The following TMEM263 variants were observed in gnomAD, a reference collection of about 807,000 sequenced individuals.
TMEM263 encodes transmembrane protein 263.
TMEM263 carries 5 observed loss-of-function variants against 8.6 expected under a neutral mutation model. That is an observed-to-expected ratio of 0.58 (90% CI 0.31 to 1.23). TMEM263 has a LOEUF of 1.23. Among genes scored for constraint, TMEM263 ranks in the 50% most tolerant of loss-of-function variants. TMEM263 has a pLI of 0.07. For missense variants in TMEM263, 104 were observed against 138.8 expected, an observed-to-expected ratio of 0.75 and a Z score of 1.26; for synonymous variants, 50 against 47.9, an observed-to-expected ratio of 1.04 and a Z score of -0.18.
chr12:106,956,276 A>T (rs1413766082), intron 1 of TMEM263, among the ~76,000 whole-genome samples: 1 of 151,840 alleles, frequency 6.6e-6, no homozygotes, highest in African/African-American at 2.4e-5. Flanking sequence ...TCCTCCTTAT[A>T]CGTCGCTGAC....
rs761394883 is a variant in TMEM263 at position 106,967,087 on chromosome 12, T to C, written c.-6-24T>C. ...CTCACATGTTGAGGTTAAAATGAAA[T>C]GTGTTTGTATGTTTTTTTTTTAGGA... On this transcript the variant is annotated intron_variant, in intron 2 of 3. Coordinates refer to ENST00000280756, the MANE Select transcript of TMEM263 (RefSeq NM_152261.4). 3 of 1,486,506 alleles carry C rather than the reference T, an allele frequency of 2.0e-6. No homozygotes were observed. In the East Asian group the frequency reaches 6.8e-5, roughly 34 times the overall value. 92.1% of individuals were successfully genotyped at this position (1,486,506 alleles called of 1,614,324 possible). A position where few individuals can be genotyped will look rare whatever the true frequency, so the allele number is the denominator to read the frequency against.
chr12:106,970,994 T>C, intron 3 of TMEM263, 111 bp from the exon 4 acceptor site: 3 of 1,136,742 alleles, frequency 2.6e-6, no homozygotes, highest in Non-Finnish European at 3.8e-6. Context: ...GTTGGCCTTA[T>C]CAAATCAACC....
chr12:106,973,029 G>A lies in TMEM263; in HGVS notation c.*1638G>A, dbSNP rs1201114936. 1 of 151,852 alleles carries A rather than the reference G, an allele frequency of 6.6e-6. No individual in the cohort carries two copies. Among genetic ancestry groups the A allele is most frequent in the Non-Finnish European group, 1.5e-5 (1 of 67,930 alleles). 9.4% of individuals were successfully genotyped at this position (151,852 alleles called of 1,614,324 possible). A position where few individuals can be genotyped will look rare whatever the true frequency, so the allele number is the denominator to read the frequency against. On this transcript the variant is annotated 3_prime_UTR_variant, in exon 4 of 4. Transcript: ENST00000280756. ...TAATGTGGAATCAACAGATGCAGAA[G>A]AATATAACATAACTTTTAAAAGCTT...
chr12:106,968,643 G>C (rs1951876498), intron 3 of TMEM263, among the ~76,000 whole-genome samples: 1 of 152,150 alleles, frequency 6.6e-6, no homozygotes, highest in African/African-American at 2.4e-5. Flanking sequence ...CTAAACAAGA[G>C]GAATCTGCAA....
At chr12:106,965,140 C>G (rs1391043793) in intron 2 of TMEM263, among the ~76,000 whole-genome samples, 1 of 152,204 alleles carries the variant, frequency 6.6e-6, no homozygotes, top group Non-Finnish European at 1.5e-5. Flanking sequence ...CCACACTTTA[C>G]TGGCTGTTCC....
At chr12:106,964,852 C>T (rs1593466750) in intron 2 of TMEM263, among the ~76,000 whole-genome samples, 2 of 152,198 alleles carry the variant, frequency 1.3e-5, no homozygotes, top group East Asian at 3.8e-4. Context: ...TCTGCCTCTA[C>T]CACCCTCATC....
chr12:106,965,600 T>G (rs1181588518), intron 2 of TMEM263, among the ~76,000 whole-genome samples: 3 of 140,396 alleles, frequency 2.1e-5, no homozygotes. Flanking sequence ...AGTGAGACTC[T>G]GTCTCAAAAA....
chr12:106,969,502 T>C (rs1266977432), intron 3 of TMEM263, among the ~76,000 whole-genome samples: 1 of 151,958 alleles, frequency 6.6e-6, no homozygotes, highest in Non-Finnish European at 1.5e-5. Context: ...CGAGGTGGGT[T>C]GATCACGAGG....
chr12:106,967,951 A>G (rs1951867684), intron 3 of TMEM263, among the ~76,000 whole-genome samples: 1 of 152,166 alleles, frequency 6.6e-6, no homozygotes, highest in African/African-American at 2.4e-5. Flanking sequence ...TGTCTTTTTA[A>G]GTCATAATTC....
At chr12:106,969,197 C>T (rs1254411639) in intron 3 of TMEM263, among the ~76,000 whole-genome samples, 1 of 152,098 alleles carries the variant, frequency 6.6e-6, no homozygotes, top group African/African-American at 2.4e-5. Context: ...CATTGGAAAG[C>T]TCAGTTTTCA....
intron 3 of TMEM263, 21 bp from the exon 4 acceptor site, chr12:106,971,084 C>T (rs1486032067): frequency 1.9e-6 from 3 of 1,611,198 alleles, no homozygotes; most frequent in Admixed American, 1.7e-5. Context: ...TTGATTGTCT[C>T]ATGATATTTT....
chr12:106,970,030 T>G (rs1302544083), intron 3 of TMEM263, among the ~76,000 whole-genome samples: 1 of 152,158 alleles, frequency 6.6e-6, no homozygotes, highest in Non-Finnish European at 1.5e-5. Context: ...TAATTTTAAG[T>G]GTTAACCATA....
At chr12:106,963,916 A>C (rs1951810954) in intron 2 of TMEM263, among the ~76,000 whole-genome samples, 1 of 152,210 alleles carries the variant, frequency 6.6e-6, no homozygotes, top group African/African-American at 2.4e-5. Context: ...TTACAGTCAT[A>C]ATCACACCTA....
In TMEM263 at chr12:106,971,666, A is replaced by G. The variant is rs1254533260; in HGVS notation, c.*275A>G. ...ATGGTATGTTTGAATATTTACTATA[A>G]GTCTTTCAGTTTGACTAAAAATGTG... On this transcript the variant is annotated 3_prime_UTR_variant, in exon 4 of 4. Coordinates refer to ENST00000280756, the MANE Select transcript of TMEM263 (RefSeq NM_152261.4). 2.3e-5 allele frequency: 7 copies of G among 299,384 alleles called. No individual in the cohort carries two copies. Among genetic ancestry groups the G allele is most frequent in the Non-Finnish European group, 3.1e-5 (5 of 162,886 alleles). The allele number at this position is 299,384 out of a possible 1,614,324, so 18.5% of individuals were successfully genotyped here.
chr12:106,956,039 G>C lies in TMEM263; in HGVS notation c.-101G>C. The C allele has an allele frequency of 3.0e-6, 3 of 985,670 alleles. No individual in the cohort carries two copies. The highest frequency in any genetic ancestry group is 3.6e-6 in the Non-Finnish European group (3 of 830,146). 61.1% of individuals were successfully genotyped at this position (985,670 alleles called of 1,614,324 possible). On this transcript the variant is annotated 5_prime_UTR_variant, in exon 1 of 4. Coordinates refer to ENST00000280756, the MANE Select transcript of TMEM263 (RefSeq NM_152261.4). Reference sequence around the variant, plus strand: ...GGCCCGCTCACTCCGCCCGGCCCCAGCCCTAGCGCTGGCCGCGACCCCGGC... The same window carrying C: ...GGCCCGCTCACTCCGCCCGGCCCCACCCCTAGCGCTGGCCGCGACCCCGGC...
chr12:106,970,954 A>G (rs1951911714), intron 3 of TMEM263, 151 bp from the exon 4 acceptor site: 1 of 677,088 alleles, frequency 1.5e-6, no homozygotes, highest in African/African-American at 1.8e-5. Flanking sequence ...CCCTGAAGGA[A>G]GAGCTCTTCA....
intron 3 of TMEM263, among the ~76,000 whole-genome samples, chr12:106,970,450 T>C (rs1951904499): frequency 6.6e-6 from 1 of 152,224 alleles, no homozygotes; most frequent in Non-Finnish European, 1.5e-5. Flanking sequence ...TTAGCAAATC[T>C]CTTTAATGTT....
intron 2 of TMEM263, among the ~76,000 whole-genome samples, chr12:106,965,600 T>C (rs1181588518): frequency 7.1e-6 from 1 of 140,448 alleles, no homozygotes; most frequent in Non-Finnish European, 1.5e-5. Context: ...AGTGAGACTC[T>C]GTCTCAAAAA....
chr12:106,969,642 C>T (rs887006490), intron 3 of TMEM263, among the ~76,000 whole-genome samples: 4 of 150,890 alleles, frequency 2.7e-5, no homozygotes, highest in South Asian at 4.2e-4. Flanking sequence ...AGGAAAATGG[C>T]GTGAACCCAG....
Sources: allele counts gnomAD v4.1 joint callset (sites outside exome capture counted in the v4.1 genomes callset), GRCh38; gene constraint gnomAD v4.1.1; transcripts MANE v1.5; gene names NCBI Gene and HGNC (gene_info 2026-07-23, HGNC 2026-07-21).